TNKS1BP1: variants seen among roughly 807,000 people sequenced by gnomAD.
TNKS1BP1 encodes the protein 182 kDa tankyrase-1-binding protein.
Under a neutral mutation model 141.1 loss-of-function variants are expected in TNKS1BP1, and 48 were observed. The observed-to-expected ratio is 0.34, with a 90% CI of 0.27 to 0.43. The LOEUF (loss-of-function observed/expected upper bound fraction) is 0.43, where lower values mean the gene tolerates loss of function less well. TNKS1BP1 is among the 20% of genes least tolerant of loss of function. TNKS1BP1 has a pLI of 1.00. For missense variants in TNKS1BP1, 2,149 were observed against 2,226.0 expected, an observed-to-expected ratio of 0.97 and a Z score of 0.70; for synonymous variants, 875 against 898.2, an observed-to-expected ratio of 0.97 and a Z score of 0.46.
Position 57,313,763 on chromosome 11 carries a change from T to G in TNKS1BP1, c.925A>C (p.Lys309Gln). ...PGSPHLHPPD[K>Q]SSPCHSQLLE... ...AGCTGTGAGTGGCAGGGAGAACTCT[T>G]ATCAGGCGGGTGAAGATGGGGAGAG... Residue 309 changes from lysine to glutamine, a missense_variant, in exon 5 of 12, where the codon AAG becomes CAG. Physicochemically the swap from Lys to Gln is moderately conservative, Grantham distance 53. Coordinates refer to ENST00000358252, the MANE Select transcript of TNKS1BP1 (RefSeq NM_033396.3). 6.2e-7 allele frequency: 1 copy of G among 1,601,440 alleles called. No individual in the cohort carries two copies. Among genetic ancestry groups the G allele is most frequent in the Non-Finnish European group, 8.5e-7 (1 of 1,174,562 alleles).
At position 57,320,109 on chromosome 11, in the gene TNKS1BP1, C is replaced by G; in HGVS notation, c.698G>C (p.Arg233Pro). 4 of 1,614,076 alleles carry G rather than the reference C, an allele frequency of 2.5e-6. No individual in the cohort carries two copies. The highest frequency in any genetic ancestry group is 1.1e-5 in the South Asian group (1 of 91,072). ...CTCAGGGGTCTTGCTGTGCTCTTCC[C>G]GGCACTCTGCTGGAGACTTTACTGG... ...EGPVKSPAEC[R>P]EEHSKTPEER... The change falls in exon 3 of 12, where the codon CGG becomes CCG. Residue 233 changes from arginine (R) to proline (P), a missense_variant. Transcript: ENST00000358252.
chr11:57,314,480 C>T (rs548392248), intron 4 of TNKS1BP1, among the ~76,000 whole-genome samples: 8 of 152,294 alleles, frequency 5.3e-5, no homozygotes, highest in African/African-American at 1.4e-4. Context: ...TGGCTTGAGC[C>T]GTCCCAGCAC....
rs1271488942 is a variant in TNKS1BP1 at position 57,309,883 on chromosome 11, C to G, written c.2828G>C (p.Arg943Pro). Reference sequence around the variant, plus strand: ...CTCCTGTTCCTGTGGCTCCGCAGCCCGGCTGCCATAGGTGCCGAGTGACAC... The same window carrying G: ...CTCCTGTTCCTGTGGCTCCGCAGCCGGGCTGCCATAGGTGCCGAGTGACAC... ...RDVSLGTYGS[R>P]AAEPQEQEFG... Residue 943 changes from arginine to proline, a missense_variant, in exon 6 of 12, where the codon CGG (arginine) becomes CCG (proline). Transcript: ENST00000358252. The surrounding 1 kb of genome is among the most constrained non-coding windows in gnomAD (Gnocchi z 4.3). 2 of 1,614,144 alleles carry G rather than the reference C, an allele frequency of 1.2e-6. No individual in the cohort carries two copies. Among genetic ancestry groups the G allele is most frequent in the Non-Finnish European group, 1.7e-6 (2 of 1,180,032 alleles).
chr11:57,320,017 A>AAAACCCCCC, intron 3 of TNKS1BP1, 62 bp downstream of exon 3: 1 of 483,140 alleles, frequency 2.1e-6, no homozygotes, highest in Non-Finnish European at 3.5e-6. Context: ...CCCAGCCCCC[A>AAAACCCCCC]CCCAATCCCA....
chr11:57,302,655 A>G lies in TNKS1BP1; in HGVS notation c.4487T>C (p.Val1496Ala). 1 of 1,609,060 alleles carries G rather than the reference A, an allele frequency of 6.2e-7. No homozygotes were observed. The highest frequency in any genetic ancestry group is 1.1e-5 in the South Asian group (1 of 90,550). ...GAGAGAAQEE[V>A]LEPGRDSPPS... is the part of the protein sequence containing the mutation. ...TGGAGAGTCCCTGCCAGGCTCCAGC[A>G]CCTCCTCTTGGGCAGCACCTGCCCC... The change falls in exon 7 of 12, where the codon GTG becomes GCG. Residue 1496 changes from valine (V) to alanine (A), a missense_variant. Physicochemically the swap from Val to Ala is moderately conservative, Grantham distance 64. Transcript: ENST00000358252. This position sits in a 1 kb window ranked among gnomAD's most constrained non-coding sequence, Gnocchi z 5.5.
chr11:57,305,260 T>G (rs988866418), intron 6 of TNKS1BP1, among the ~76,000 whole-genome samples: 1 of 152,212 alleles, frequency 6.6e-6, no homozygotes, highest in African/African-American at 2.4e-5. Context: ...ATCTGTAAAA[T>G]GGGGATAATA....
chr11:57,304,075 C>T (rs1034735427), intron 6 of TNKS1BP1, among the ~76,000 whole-genome samples: 23 of 152,060 alleles, frequency 1.5e-4, no homozygotes, highest in African/African-American at 4.1e-4. Context: ...TCTACAGGCA[C>T]GGCACAGAGC....
Position 57,310,362 on chromosome 11 carries a change from C to A in TNKS1BP1, c.2349G>T (p.Gly783=), listed in dbSNP as rs748504933. 2.5e-6 allele frequency: 4 copies of A among 1,614,100 alleles called. No homozygotes were observed. Among genetic ancestry groups the A allele is most frequent in the Non-Finnish European group, 3.4e-6 (4 of 1,180,032 alleles). The change falls in exon 6 of 12, where the codon GGG becomes GGT. Residue 783 remains glycine (G), a synonymous_variant. Coordinates refer to ENST00000358252, the MANE Select transcript of TNKS1BP1 (RefSeq NM_033396.3). ...DWTSKYGQGA[G]EGSTREWASR... is the part of the protein sequence containing the mutation. ...TGGCCCACTCCCTGGTGCTCCCTTC[C>A]CCTGCTCCTTGCCCATACTTGCTGG...
At chr11:57,316,570 G>A (rs889479465) in intron 4 of TNKS1BP1, among the ~76,000 whole-genome samples, 4 of 152,086 alleles carry the variant, frequency 2.6e-5, no homozygotes, top group Admixed American at 6.5e-5. Context: ...TCATCCTTCC[G>A]GTTGCTCAGG....
rs1233978424 is a variant in TNKS1BP1 at position 57,309,645 on chromosome 11, T to C, written c.3066A>G (p.Arg1022=). Residue 1022 remains arginine, a synonymous_variant, in exon 6 of 12, where the codon AGA becomes AGG. Coordinates refer to ENST00000358252, the MANE Select transcript of TNKS1BP1 (RefSeq NM_033396.3). This position sits in a 1 kb window ranked among gnomAD's most constrained non-coding sequence, Gnocchi z 4.3. The stretch of plus-strand genomic sequence containing the variant: ...TAGGACTGAACAAGCCCCCGGATCC[T>C]CTCTCTCCTGGCCGGCCAGCATCCC... ...GSRDAGRPGE[R]GSGGLFSPST... 6.2e-6 allele frequency: 10 copies of C among 1,614,038 alleles called. No individual in the cohort carries two copies. Among genetic ancestry groups the C allele is most frequent in the Non-Finnish European group, 6.8e-6 (8 of 1,179,986 alleles).
Position 57,313,265 on chromosome 11 carries a change from A to G in TNKS1BP1, c.1423T>C (p.Ser475Pro), listed in dbSNP as rs1440920597. The change falls in exon 5 of 12, where the codon TCC becomes CCC. Residue 475 changes from serine to proline, a missense_variant. Ser to Pro is a moderately conservative substitution (Grantham distance 74, BLOSUM62 -1). Coordinates refer to ENST00000358252, the MANE Select transcript of TNKS1BP1 (RefSeq NM_033396.3). ...CTCGTGGGGAAGGTCCATTCGAAGG[A>G]CTGTGATAAGCTCCAGTTGGACTCT... ...GAESNWSLSQ[S>P]FEWTFPTRPS... The G allele has an allele frequency of 6.2e-7, 1 of 1,612,900 alleles. No homozygotes were observed. The highest frequency in any genetic ancestry group is 2.2e-5 in the East Asian group (1 of 44,850).
intron 6 of TNKS1BP1, among the ~76,000 whole-genome samples, chr11:57,305,097 A>C (rs1855588643): frequency 6.6e-6 from 1 of 152,050 alleles, no homozygotes; most frequent in Non-Finnish European, 1.5e-5. Context: ...GATCATGTAT[A>C]AGCTGAGCCC....
intron 2 of TNKS1BP1, 48 bp downstream of exon 2, chr11:57,321,744 T>TGGCGGC: frequency 9.6e-7 from 1 of 1,039,822 alleles, no homozygotes; most frequent in Non-Finnish European, 1.5e-6. Flanking sequence ...CCTCTGTCCT[T>TGGCGGC]CCCACCCCCC....
Position 57,302,074 on chromosome 11 carries a change from C to T in TNKS1BP1, c.4834G>A (p.Glu1612Lys). ...SDAHLFQDST[E>K]PRASRVPSSD... ...TCACCAAATAATACATCAGCCCTAC[C>T]TGTAGAGTCCTGGAACAGGTGTGCA... Residue 1612 changes from glutamate to lysine, a missense_variant and splice_region_variant, in exon 8 of 12, where the codon GAG becomes AAG. Physicochemically the swap from Glu to Lys is moderately conservative, Grantham distance 56. Transcript: ENST00000358252. The surrounding 1 kb of genome is among the most constrained non-coding windows in gnomAD (Gnocchi z 5.5). 2 of 1,612,522 alleles carry T rather than the reference C, an allele frequency of 1.2e-6. No individual in the cohort carries two copies. The highest frequency in any genetic ancestry group is 1.7e-6 in the Non-Finnish European group (2 of 1,178,686).
At chr11:57,323,037 C>A (rs1855911689) in intron 1 of TNKS1BP1, among the ~76,000 whole-genome samples, 1 of 152,106 alleles carries the variant, frequency 6.6e-6, no homozygotes. Context: ...CTCAGTTTCT[C>A]CAACTGAAAA....
intron 9 of TNKS1BP1, 60 bp downstream of exon 9, chr11:57,301,747 C>T (rs565483000): frequency 3.0e-5 from 47 of 1,575,224 alleles, no homozygotes; most frequent in Non-Finnish European, 1.7e-6. Flanking sequence ...AGAAAGACAG[C>T]ATGCAAGGTG....
chr11:57,317,350 C>G (rs971155817), intron 4 of TNKS1BP1, among the ~76,000 whole-genome samples: 1 of 152,234 alleles, frequency 6.6e-6, no homozygotes, highest in East Asian at 1.9e-4. Flanking sequence ...GGACTCACCC[C>G]TCTTCTGAAC....
At chr11:57,311,330 A>T in intron 5 of TNKS1BP1, 1 of 985,700 alleles carries the variant, frequency 1.0e-6, no homozygotes, top group Non-Finnish European at 1.2e-6. Flanking sequence ...TCCAGGATAG[A>T]CATGCTGGCC....
chr11:57,320,727 G>C lies in TNKS1BP1; in HGVS notation c.95-15C>G, dbSNP rs1262987344. ...CCGAGTGTCACCTACCAAAAGGAAA[G>C]GGTTGGTGGGGGAGCTGTCAGAAGA... On this transcript the variant is annotated splice_polypyrimidine_tract_variant and intron_variant, in intron 2 of 11. Transcript: ENST00000358252. 1.3e-6 allele frequency: 2 copies of C among 1,542,070 alleles called. No individual in the cohort carries two copies. The highest frequency in any genetic ancestry group is 1.7e-6 in the Non-Finnish European group (2 of 1,146,294).
Sources: allele counts gnomAD v4.1 joint callset (sites outside exome capture counted in the v4.1 genomes callset), GRCh38; gene constraint gnomAD v4.1.1; non-coding constraint Gnocchi (gnomAD v3.1); transcripts MANE v1.5; gene names NCBI Gene and HGNC (gene_info 2026-07-23, HGNC 2026-07-21).